Variants in ULK4 observed in about 807,000 individuals in gnomAD.
ULK4 encodes the protein inactive serine/threonine-protein kinase ULK4.
Under a neutral mutation model 160.6 loss-of-function variants are expected in ULK4, and 133 were observed. The observed-to-expected ratio is 0.83, with a 90% CI of 0.72 to 0.96. ULK4 has a LOEUF of 0.96. Among genes scored for constraint, ULK4 ranks in the 40% least tolerant of loss-of-function variants. The probability of loss-of-function intolerance (pLI) is 0.00; values close to 1 mark genes in which losing one functional copy is unlikely to be tolerated. For synonymous variants in ULK4, 534 were observed against 539.8 expected, an observed-to-expected ratio of 0.99 and a Z score of 0.15; for missense variants, 1,580 against 1,499.5, an observed-to-expected ratio of 1.05 and a Z score of -0.89.
rs1240425663 is a variant in ULK4, at chr3:41,954,695, C to T, written c.65G>A (p.Arg22Gln). ...RGSKTVVYKGRRKGTINFVAI... is the reference protein window; with the variant it reads ...RGSKTVVYKGQRKGTINFVAI... The stretch of plus-strand genomic sequence containing the variant: ...TACAAAATTGATTGTTCCCTTCCGT[C>T]GCCCTTTATAGACAACAGTCTTGCT... Residue 22 changes from arginine to glutamine, a missense_variant, in exon 2 of 37, where the codon CGA becomes CAA. By Grantham distance (43) the Arg-to-Gln change is conservative. Coordinates refer to ENST00000301831, the MANE Select transcript of ULK4 (RefSeq NM_017886.4). The T allele has an allele frequency of 3.1e-6, 5 of 1,613,880 alleles. No homozygotes were observed. In the African/African-American group the frequency reaches 6.7e-5, roughly 22 times the overall value.
chr3:41,550,987 A>C lies in ULK4; in HGVS notation c.3226+15038T>G, dbSNP rs189288198. Reference sequence around the variant, plus strand: ...AAATCAATACCATAAAGAATGCTGGAAACTATACAAATACATGGAAACAAA... The same window carrying C: ...AAATCAATACCATAAAGAATGCTGGCAACTATACAAATACATGGAAACAAA... On this transcript the variant is annotated intron_variant, in intron 32 of 36. Coordinates refer to ENST00000301831, the MANE Select transcript of ULK4 (RefSeq NM_017886.4). 3.9e-5 allele frequency among the ~76,000 whole-genome samples: 6 copies of C among 152,146 alleles called. No individual in the cohort carries two copies. The East Asian group carries it at 1.2e-3, about 29-fold the overall frequency.
chr3:41,374,945 G>A (rs149032847), intron 35 of ULK4, among the ~76,000 whole-genome samples: 6,356 of 152,124 alleles, frequency 0.042, 344 homozygotes, highest in East Asian at 0.19. Flanking sequence ...AAAGTCTCAG[G>A]ATACAAAATC....
intron 17 of ULK4, among the ~76,000 whole-genome samples, chr3:41,865,269 TTTAAAAAAAA>T (rs2042589938): frequency 1.5e-5 from 1 of 67,174 alleles, no homozygotes; most frequent in African/African-American, 1.1e-4. Context: ...AGACTCTGTC[TTTAAAAAAAA>T]AAAAAAAAAA....
At chr3:41,527,075 T>A (rs56218698) in intron 32 of ULK4, among the ~76,000 whole-genome samples, 1 of 152,066 alleles carries the variant, frequency 6.6e-6, no homozygotes, top group Non-Finnish European at 1.5e-5. Flanking sequence ...TTAACTCTTA[T>A]GAACTTTGTA....
At chr3:41,401,548 G>A (rs1472774131) in intron 34 of ULK4, among the ~76,000 whole-genome samples, 1 of 152,110 alleles carries the variant, frequency 6.6e-6, no homozygotes, top group East Asian at 1.9e-4. Context: ...TACATGATAG[G>A]AACTCTAGGA....
chr3:41,960,891 T>C (rs565358023), intron 1 of ULK4, among the ~76,000 whole-genome samples: 5 of 152,210 alleles, frequency 3.3e-5, no homozygotes, highest in South Asian at 2.1e-4. Context: ...AGTCAGGAAA[T>C]AGGACTTTGC....
chr3:41,824,451 C>G (rs1337166503), intron 18 of ULK4, among the ~76,000 whole-genome samples: 1 of 152,112 alleles, frequency 6.6e-6, no homozygotes, highest in African/African-American at 2.4e-5. Context: ...CCTGGAAAAT[C>G]GGGTCACTCG....
intron 35 of ULK4, among the ~76,000 whole-genome samples, chr3:41,342,712 T>A (rs1406285592): frequency 6.6e-6 from 1 of 152,128 alleles, no homozygotes; most frequent in African/African-American, 2.4e-5. Flanking sequence ...CTGGCAGAGA[T>A]ACAACACAAA....
intron 22 of ULK4, among the ~76,000 whole-genome samples, chr3:41,727,731 T>C (rs745870376): frequency 6.6e-6 from 1 of 151,844 alleles, no homozygotes; most frequent in Non-Finnish European, 1.5e-5. Flanking sequence ...TGATCTGACA[T>C]GTGGTTAAAA....
At chr3:41,871,727 T>C (rs1247014981) in intron 17 of ULK4, among the ~76,000 whole-genome samples, 1 of 152,272 alleles carries the variant, frequency 6.6e-6, no homozygotes, top group Non-Finnish European at 1.5e-5. Flanking sequence ...ACTCCAGATA[T>C]GAGTCCTTCG....
intron 32 of ULK4, among the ~76,000 whole-genome samples, chr3:41,503,063 T>A (rs1473808159): frequency 6.6e-6 from 1 of 152,096 alleles, no homozygotes; most frequent in Non-Finnish European, 1.5e-5. Flanking sequence ...TTATCAATAG[T>A]TACAGAAATT....
At chr3:41,712,028 G>A (rs914364487) in intron 25 of ULK4, among the ~76,000 whole-genome samples, 1 of 152,158 alleles carries the variant, frequency 6.6e-6, no homozygotes, top group Non-Finnish European at 1.5e-5. Flanking sequence ...TTCAAAGCTT[G>A]ATAATGGTTT....
chr3:41,729,217 C>T (rs6763457), intron 22 of ULK4, among the ~76,000 whole-genome samples: 8,563 of 152,212 alleles, frequency 0.056, 802 homozygotes, highest in African/African-American at 0.19. Flanking sequence ...GGGATCAACT[C>T]GGAATCATGA....
At chr3:41,581,654 T>TA (rs1446470270) in intron 31 of ULK4, among the ~76,000 whole-genome samples, 1 of 152,204 alleles carries the variant, frequency 6.6e-6, no homozygotes, top group Non-Finnish European at 1.5e-5. Context: ...CCCAGGTCCT[T>TA]ACACTGGTCC....
intron 30 of ULK4, among the ~76,000 whole-genome samples, chr3:41,639,517 C>A (rs920087852): frequency 6.6e-6 from 1 of 152,144 alleles, no homozygotes; most frequent in African/African-American, 2.4e-5. Flanking sequence ...CACCTGAGGT[C>A]AGGAGTTCAA....
At chr3:41,491,453 A>G (rs566296583) in intron 32 of ULK4, among the ~76,000 whole-genome samples, 6 of 152,174 alleles carry the variant, frequency 3.9e-5, no homozygotes, top group South Asian at 2.1e-4. Context: ...GAACATAAGT[A>G]GAAAAATGAA....
intron 35 of ULK4, among the ~76,000 whole-genome samples, chr3:41,335,381 A>G (rs1559530496): frequency 6.6e-6 from 1 of 152,184 alleles, no homozygotes; most frequent in Admixed American, 6.5e-5. Flanking sequence ...ATTTTCATTT[A>G]TTTAATAAGT....
At chr3:41,328,702 G>A (rs982840825) in intron 35 of ULK4, among the ~76,000 whole-genome samples, 10 of 152,136 alleles carry the variant, frequency 6.6e-5, no homozygotes, top group Admixed American at 6.5e-4. Context: ...ATAGAAAGTG[G>A]ACAATCCCTT....
intron 32 of ULK4, among the ~76,000 whole-genome samples, chr3:41,521,354 C>A (rs958292726): frequency 6.6e-6 from 1 of 152,100 alleles, no homozygotes; most frequent in African/African-American, 2.4e-5. Context: ...TGGTCTCAGG[C>A]CTTCACTGAT....
Sources: gnomAD v4.1 joint callset for allele counts (sites outside exome capture counted in the v4.1 genomes callset) on GRCh38, gnomAD v4.1.1 for gene constraint, MANE v1.5 for transcripts, NCBI Gene and HGNC (gene_info 2026-07-23, HGNC 2026-07-21) for gene names.